NKAIN2: variants seen among roughly 807,000 people sequenced by gnomAD.
The protein encoded by NKAIN2 is sodium/potassium-transporting ATPase subunit beta-1-interacting protein 2.
A neutral mutation model predicts 32.6 loss-of-function variants in NKAIN2; 14 were observed. The observed-to-expected ratio is 0.43, with a 90% CI of 0.28 to 0.67. The LOEUF is 0.67. Among genes scored for constraint, NKAIN2 ranks in the 30% least tolerant of loss-of-function variants. The pLI, the probability that NKAIN2 is intolerant of heterozygous loss-of-function variation, is 0.17. For synonymous variants in NKAIN2, 80 were observed against 87.2 expected, an observed-to-expected ratio of 0.92 and a Z score of 0.46; for missense variants, 198 against 258.3, an observed-to-expected ratio of 0.77 and a Z score of 1.60.
rs146982139 is a variant in NKAIN2, at chr6:124,462,550, T to A, written c.273+107203T>A. On this transcript the variant is annotated intron_variant, in intron 3 of 6. Coordinates refer to ENST00000368417, the MANE Select transcript of NKAIN2 (RefSeq NM_001040214.3). ...TACTAAGTCTACAAATAGTTACAGA[T>A]ATACAATAGGTAATGCCATTTTTAT... Among the ~76,000 whole-genome samples, 11 of 152,132 alleles carry A rather than the reference T, an allele frequency of 7.2e-5. No individual in the cohort carries two copies. In the East Asian group the frequency reaches 1.7e-3, roughly 24 times the overall value.
chr6:124,271,618 G>C (rs145280211), intron 1 of NKAIN2, among the ~76,000 whole-genome samples: 2 of 152,330 alleles, frequency 1.3e-5, no homozygotes, highest in Non-Finnish European at 2.9e-5. Flanking sequence ...ATACGAAGCT[G>C]CTATAAAGAT....
intron 1 of NKAIN2, among the ~76,000 whole-genome samples, chr6:124,022,482 A>C (rs1049746279): frequency 2.0e-5 from 3 of 152,142 alleles, no homozygotes; most frequent in African/African-American, 7.2e-5. Context: ...TGTCTTCCAC[A>C]ATGGTTGAAC....
intron 1 of NKAIN2, among the ~76,000 whole-genome samples, chr6:124,066,408 A>G (rs1180397657): frequency 1.3e-5 from 2 of 152,162 alleles, no homozygotes; most frequent in African/African-American, 4.8e-5. Context: ...CTGCACTGGC[A>G]GGAATATGCA....
intron 3 of NKAIN2, among the ~76,000 whole-genome samples, chr6:124,547,531 T>C (rs924291485): frequency 5.3e-5 from 8 of 152,204 alleles, no homozygotes; most frequent in African/African-American, 1.9e-4. Context: ...ACAATTATCC[T>C]TTACATTTGT....
chr6:124,651,346 G>A (rs960090662), intron 3 of NKAIN2, among the ~76,000 whole-genome samples: 2 of 152,150 alleles, frequency 1.3e-5, no homozygotes, highest in African/African-American at 4.8e-5. Flanking sequence ...CCCCACTACT[G>A]TGGCTCCATC....
chr6:123,827,908 TGTC>T, intron 1 of NKAIN2, among the ~76,000 whole-genome samples: 1 of 152,042 alleles, frequency 6.6e-6, no homozygotes, highest in East Asian at 1.9e-4. Context: ...TATATATATA[TGTC>T]ATATATATAT....
intron 4 of NKAIN2, among the ~76,000 whole-genome samples, chr6:124,738,217 CTA>C (rs1370166663): frequency 1.3e-5 from 2 of 151,658 alleles, no homozygotes; most frequent in Admixed American, 6.6e-5. Flanking sequence ...TAATTTTTTT[CTA>C]TGTTTGGCAA....
At chr6:124,384,729 C>T (rs1048167556) in intron 3 of NKAIN2, among the ~76,000 whole-genome samples, 6 of 146,732 alleles carry the variant, frequency 4.1e-5, no homozygotes, top group Admixed American at 6.7e-5. Flanking sequence ...TGGGTTCAAG[C>T]GATCCTTCTC....
intron 4 of NKAIN2, among the ~76,000 whole-genome samples, chr6:124,732,748 A>C (rs759176565): frequency 1.4e-4 from 21 of 151,982 alleles, no homozygotes; most frequent in Admixed American, 6.6e-4. Context: ...AATTTTTAAG[A>C]ATTCTTATAT....
At chr6:124,781,776 T>G (rs1007381669) in intron 4 of NKAIN2, among the ~76,000 whole-genome samples, 1 of 152,100 alleles carries the variant, frequency 6.6e-6, no homozygotes, top group Non-Finnish European at 1.5e-5. Context: ...ATAGCCAAGT[T>G]CTGACTCCAA....
At chr6:123,843,770 C>T (rs1027582286) in intron 1 of NKAIN2, among the ~76,000 whole-genome samples, 3 of 151,892 alleles carry the variant, frequency 2.0e-5, no homozygotes, top group African/African-American at 4.8e-5. Flanking sequence ...CGGGTGGTGG[C>T]GACGCAAGTT....
intron 4 of NKAIN2, among the ~76,000 whole-genome samples, chr6:124,739,203 G>A (rs982163203): frequency 4.6e-5 from 7 of 151,950 alleles, no homozygotes; most frequent in Non-Finnish European, 7.4e-5. Flanking sequence ...TATGGAACCA[G>A]GATTCTTTTA....
intron 3 of NKAIN2, among the ~76,000 whole-genome samples, chr6:124,357,644 A>C (rs961861008): frequency 6.6e-6 from 1 of 152,214 alleles, no homozygotes; most frequent in African/African-American, 2.4e-5. Flanking sequence ...ATATATGTGA[A>C]AGAAATGTAT....
intron 1 of NKAIN2, among the ~76,000 whole-genome samples, chr6:124,054,089 GAA>G (rs1782532565): frequency 6.6e-6 from 1 of 152,106 alleles, no homozygotes; most frequent in Non-Finnish European, 1.5e-5. Context: ...GTACTTCAAA[GAA>G]AAGTCATAGT....
At chr6:124,416,112 A>G (rs1050129421) in intron 3 of NKAIN2, among the ~76,000 whole-genome samples, 3 of 152,138 alleles carry the variant, frequency 2.0e-5, no homozygotes, top group Non-Finnish European at 4.4e-5. Flanking sequence ...TCTGGACATA[A>G]TACAAACAAG....
At chr6:124,015,316 C>T (rs1780515237) in intron 1 of NKAIN2, among the ~76,000 whole-genome samples, 1 of 152,146 alleles carries the variant, frequency 6.6e-6, no homozygotes, top group Admixed American at 6.6e-5. Context: ...TGAGTTCTCA[C>T]CAAAGCCTCC....
chr6:123,815,516 T>C (rs76280100), intron 1 of NKAIN2, among the ~76,000 whole-genome samples: 1 of 152,172 alleles, frequency 6.6e-6, no homozygotes, highest in East Asian at 1.9e-4. Context: ...GTTTTGAATG[T>C]TTTTTGTTTG....
chr6:124,586,063 A>G lies in NKAIN2; in HGVS notation c.274-72123A>G, dbSNP rs112039438. On this transcript the variant is annotated intron_variant, in intron 3 of 6. Transcript: ENST00000368417. ...TTCTATCTATTGTCTTCAAGTCAATAGATAGAAGATTTCCATCGCCTGCCC... is the reference window on the plus strand; with the variant it reads ...TTCTATCTATTGTCTTCAAGTCAATGGATAGAAGATTTCCATCGCCTGCCC... 6.2e-3 allele frequency among the ~76,000 whole-genome samples: 950 copies of G among 152,332 alleles called. 7 individuals carry two copies. Among genetic ancestry groups the G allele is most frequent in the Non-Finnish European group, 9.0e-3 (613 of 68,034 alleles).
At chr6:124,547,225 G>T (rs551298873) in intron 3 of NKAIN2, among the ~76,000 whole-genome samples, 1 of 152,178 alleles carries the variant, frequency 6.6e-6, no homozygotes, top group South Asian at 2.1e-4. Flanking sequence ...AAAATTAAAT[G>T]TCTAAAATGC....
Sources: gnomAD v4.1 joint callset for allele counts (sites outside exome capture counted in the v4.1 genomes callset) on GRCh38, gnomAD v4.1.1 for gene constraint, MANE v1.5 for transcripts, NCBI Gene and HGNC (gene_info 2026-07-23, HGNC 2026-07-21) for gene names.